The following SCOC variants were observed in gnomAD, a reference collection of about 807,000 sequenced individuals.
The protein encoded by SCOC is short coiled-coil protein.
In SCOC, 7 loss-of-function variants were observed where a neutral mutation model predicts 9.9. That is an observed-to-expected ratio of 0.71 (90% CI 0.40 to 1.33). SCOC has a LOEUF of 1.33. SCOC is among the 40% of genes most tolerant of loss of function. The probability of loss-of-function intolerance (pLI) is 0.01; values close to 1 mark genes in which losing one functional copy is unlikely to be tolerated. For missense variants in SCOC, 66 were observed against 89.7 expected, an observed-to-expected ratio of 0.74 and a Z score of 1.07; for synonymous variants, 19 against 28.2, an observed-to-expected ratio of 0.67 and a Z score of 1.03.
intron 1 of SCOC, among the ~76,000 whole-genome samples, chr4:140,259,101 T>C (rs1048274346): frequency 6.6e-6 from 1 of 152,212 alleles, no homozygotes; most frequent in Non-Finnish European, 1.5e-5. Flanking sequence ...GAAGCTAATA[T>C]AAGTCAAGGG....
intron 1 of SCOC, among the ~76,000 whole-genome samples, chr4:140,333,126 G>A (rs1732867537): frequency 6.6e-6 from 1 of 152,258 alleles, no homozygotes; most frequent in East Asian, 1.9e-4. Flanking sequence ...TGCACTTGCT[G>A]ATCTTTCTGC....
intron 1 of SCOC, among the ~76,000 whole-genome samples, chr4:140,307,237 T>C (rs1298306869): frequency 6.6e-6 from 1 of 152,206 alleles, no homozygotes; most frequent in African/African-American, 2.4e-5. Flanking sequence ...AGGTATTTTA[T>C]TACAGCAGCC....
chr4:140,283,193 A>T (rs887467795), intron 1 of SCOC, among the ~76,000 whole-genome samples: 5 of 152,230 alleles, frequency 3.3e-5, no homozygotes, highest in Non-Finnish European at 7.3e-5. Context: ...TGAAAAAAAT[A>T]AATGAGACCT....
chr4:140,294,516 T>C (rs982396887), intron 1 of SCOC, among the ~76,000 whole-genome samples: 3 of 152,158 alleles, frequency 2.0e-5, no homozygotes, highest in African/African-American at 7.2e-5. Context: ...TACAAACAAT[T>C]GTACCCAGCT....
chr4:140,374,221 G>A (rs1288009487), intron 1 of SCOC: 1 of 454,584 alleles, frequency 2.2e-6, no homozygotes, highest in Non-Finnish European at 4.4e-6. Context: ...AGCGGCACCT[G>A]GGTTTGTTTC....
At chr4:140,307,810 ATATTTCAAAAT>A (rs1732036352) in intron 1 of SCOC, among the ~76,000 whole-genome samples, 1 of 152,236 alleles carries the variant, frequency 6.6e-6, no homozygotes, top group African/African-American at 2.4e-5. Context: ...TTTACATTAA[ATATTTCAAAAT>A]TATTTCAAAT....
At chr4:140,305,388 G>C (rs1413692206) in intron 1 of SCOC, among the ~76,000 whole-genome samples, 1 of 152,188 alleles carries the variant, frequency 6.6e-6, no homozygotes, top group Non-Finnish European at 1.5e-5. Flanking sequence ...GGGAGCTGGA[G>C]GGACAGAGGG....
chr4:140,305,037 G>A (rs533720432), intron 1 of SCOC, among the ~76,000 whole-genome samples: 1 of 152,270 alleles, frequency 6.6e-6, no homozygotes, highest in East Asian at 1.9e-4. Flanking sequence ...TCAGGCATGA[G>A]CTCGTCTCTG....
chr4:140,356,493 G>C (rs1376668544), intron 2 of SCOC, among the ~76,000 whole-genome samples: 1 of 152,150 alleles, frequency 6.6e-6, no homozygotes, highest in Non-Finnish European at 1.5e-5. Context: ...GCATGTAGCT[G>C]TCATGTCACC....
chr4:140,285,701 T>A (rs1303281299), intron 1 of SCOC, among the ~76,000 whole-genome samples: 1 of 152,144 alleles, frequency 6.6e-6, no homozygotes, highest in African/African-American at 2.4e-5. Context: ...AGGTTAGAAA[T>A]CTCTTCCCCT....
At chr4:140,340,559 T>C (rs1180036807), upstream of SCOC, among the ~76,000 whole-genome samples, 1 of 151,884 alleles carries the variant, frequency 6.6e-6, no homozygotes, top group Non-Finnish European at 1.5e-5. Context: ...AGAATGAAGC[T>C]GCATCCCTAC....
upstream of SCOC, chr4:140,373,521 G>T (rs894269255): frequency 4.5e-6 from 7 of 1,551,610 alleles, no homozygotes; most frequent in Admixed American, 5.9e-5. Context: ...GACGACTGGG[G>T]TGAGGCGGGC....
At chr4:140,304,918 G>A (rs1259491672) in intron 1 of SCOC, among the ~76,000 whole-genome samples, 1 of 152,114 alleles carries the variant, frequency 6.6e-6, no homozygotes, top group Non-Finnish European at 1.5e-5. Flanking sequence ...TCAGAATGAT[G>A]TAGACACGTG....
intron 1 of SCOC, among the ~76,000 whole-genome samples, chr4:140,263,348 A>C (rs978731030): frequency 6.6e-5 from 10 of 152,190 alleles, no homozygotes; most frequent in Non-Finnish European, 7.4e-5. Context: ...TGCACAGGTA[A>C]GCCAACTAGA....
At chr4:140,286,927 C>T (rs1451756113) in intron 1 of SCOC, among the ~76,000 whole-genome samples, 2 of 152,118 alleles carry the variant, frequency 1.3e-5, no homozygotes, top group African/African-American at 4.8e-5. Context: ...TCCCTGACTA[C>T]CCAGCTGGAA....
chr4:140,269,837 A>G (rs1328300070), intron 1 of SCOC, among the ~76,000 whole-genome samples: 2 of 151,832 alleles, frequency 1.3e-5, no homozygotes, highest in African/African-American at 4.8e-5. Context: ...TGTAACCTTA[A>G]TCTCCTGGGC....
intron 1 of SCOC, among the ~76,000 whole-genome samples, chr4:140,330,559 C>A (rs890636062): frequency 3.9e-5 from 6 of 152,182 alleles, no homozygotes; most frequent in African/African-American, 1.2e-4. Context: ...CCTTAGTGAG[C>A]TACAAATCAA....
intron 1 of SCOC, among the ~76,000 whole-genome samples, chr4:140,277,451 T>C (rs1731009606): frequency 6.6e-6 from 1 of 152,332 alleles, no homozygotes; most frequent in Non-Finnish European, 1.5e-5. Flanking sequence ...TCCATTGTTA[T>C]TCCATTCCAC....
At chr4:140,275,985 G>A (rs541242903) in intron 1 of SCOC, among the ~76,000 whole-genome samples, 3 of 151,796 alleles carry the variant, frequency 2.0e-5, no homozygotes, top group African/African-American at 4.8e-5. Context: ...CACTATGCCC[G>A]GCTAATTTTT....
Sources: gnomAD v4.1 joint callset for allele counts (sites outside exome capture counted in the v4.1 genomes callset) on GRCh38, gnomAD v4.1.1 for gene constraint, MANE v1.5 for transcripts, NCBI Gene and HGNC (gene_info 2026-07-23, HGNC 2026-07-21) for gene names.